Variants in SLC39A11 observed in about 807,000 individuals in gnomAD.
SLC39A11 encodes solute carrier family 39 member 11.
A neutral mutation model predicts 36.1 loss-of-function variants in SLC39A11; 33 were observed. That is an observed-to-expected ratio of 0.91 (90% CI 0.69 to 1.22). The LOEUF (loss-of-function observed/expected upper bound fraction) is 1.22, where lower values mean the gene tolerates loss of function less well. Among genes scored for constraint, SLC39A11 ranks in the 50% most tolerant of loss-of-function variants. The pLI, the probability that SLC39A11 is intolerant of heterozygous loss-of-function variation, is 0.00. For missense variants in SLC39A11, 432 were observed against 430.3 expected, an observed-to-expected ratio of 1.00 and a Z score of -0.03; for synonymous variants, 166 against 170.3, an observed-to-expected ratio of 0.97 and a Z score of 0.20.
intron 5 of SLC39A11, among the ~76,000 whole-genome samples, chr17:72,942,740 TG>T (rs1355667649): frequency 6.6e-6 from 1 of 152,080 alleles, no homozygotes; most frequent in Non-Finnish European, 1.5e-5. Flanking sequence ...AACTTGGGAG[TG>T]GAATGTACGT....
chr17:72,982,509 G>C (rs1481079191), intron 4 of SLC39A11, among the ~76,000 whole-genome samples: 1 of 152,096 alleles, frequency 6.6e-6, no homozygotes, highest in Non-Finnish European at 1.5e-5. Flanking sequence ...TAAATCAGAG[G>C]CCTCTTTCGT....
intron 7 of SLC39A11, among the ~76,000 whole-genome samples, chr17:72,692,492 T>C (rs559164806): frequency 6.6e-6 from 1 of 152,242 alleles, no homozygotes; most frequent in Non-Finnish European, 1.5e-5. Flanking sequence ...AAGGCACTTC[T>C]TACATGGTGG....
At chr17:72,981,923 G>C (rs759013686) in intron 4 of SLC39A11, among the ~76,000 whole-genome samples, 1 of 152,152 alleles carries the variant, frequency 6.6e-6, no homozygotes, top group Non-Finnish European at 1.5e-5. Flanking sequence ...TTTGAAACAC[G>C]TGGAAAGATG....
At chr17:72,711,233 T>C (rs11650398) in intron 7 of SLC39A11, among the ~76,000 whole-genome samples, 12 of 152,170 alleles carry the variant, frequency 7.9e-5, no homozygotes, top group African/African-American at 2.2e-4. Flanking sequence ...GCTGGACACA[T>C]GGTTGCATGG....
At chr17:72,907,443 T>C (rs2082716106) in intron 5 of SLC39A11, among the ~76,000 whole-genome samples, 1 of 152,100 alleles carries the variant, frequency 6.6e-6, no homozygotes, top group Non-Finnish European at 1.5e-5. Flanking sequence ...TGAGCCGATA[T>C]CACACCATGG....
intron 6 of SLC39A11, among the ~76,000 whole-genome samples, chr17:72,769,956 G>A (rs967740863): frequency 6.6e-6 from 1 of 152,118 alleles, no homozygotes; most frequent in Non-Finnish European, 1.5e-5. Flanking sequence ...CCCTGCCTTT[G>A]CTTCAAGTTG....
At chr17:72,652,833 G>A (rs1335185233) in intron 7 of SLC39A11, among the ~76,000 whole-genome samples, 3 of 152,184 alleles carry the variant, frequency 2.0e-5, no homozygotes, top group African/African-American at 7.2e-5. Flanking sequence ...GAGAACCACT[G>A]TGCAACCTGA....
At chr17:72,712,920 G>A (rs767937920) in intron 7 of SLC39A11, 1 of 152,322 alleles carries the variant, frequency 6.6e-6, no homozygotes, top group Non-Finnish European at 1.5e-5. Context: ...ATGGGGAGAG[G>A]TGAAGTCAGT....
In SLC39A11 at chr17:72,727,381, C is replaced by A. The variant is rs533958068; in HGVS notation, c.671+9269G>T. ...GAAAGAAGCAAGCTGGGGCCAGGCA[C>A]AGTGGCTCACGCCTGTAATCCCAGC... is the stretch of plus-strand genomic sequence containing the variant. On this transcript the variant is annotated intron_variant, in intron 7 of 9. Transcript: ENST00000255559. 1.8e-4 allele frequency among the ~76,000 whole-genome samples: 28 copies of A among 152,252 alleles called. 1 individual carries two copies. The South Asian group carries it at 4.6e-3, about 25-fold the overall frequency.
chr17:72,769,796 G>A (rs1231873984), intron 6 of SLC39A11, among the ~76,000 whole-genome samples: 1 of 152,220 alleles, frequency 6.6e-6, no homozygotes, highest in East Asian at 1.9e-4. Flanking sequence ...GCCTGCCTCG[G>A]CCTCCCAAAG....
intron 4 of SLC39A11, among the ~76,000 whole-genome samples, chr17:72,998,456 A>T (rs922910448): frequency 4.6e-5 from 7 of 152,008 alleles, no homozygotes; most frequent in Non-Finnish European, 5.9e-5. Context: ...GCCTATGCTC[A>T]CCTCCATTAT....
At chr17:73,056,838 G>C (rs536751681) in intron 3 of SLC39A11, among the ~76,000 whole-genome samples, 10 of 152,220 alleles carry the variant, frequency 6.6e-5, no homozygotes, top group African/African-American at 2.4e-4. Flanking sequence ...TAGAGAAAGA[G>C]AGAACTTTAC....
rs542712474 is a variant in SLC39A11, at chr17:73,068,839, C to T, written c.147+15969G>A. On this transcript the variant is annotated intron_variant, in intron 3 of 9. Coordinates refer to ENST00000255559, the MANE Select transcript of SLC39A11 (RefSeq NM_139177.4). The stretch of plus-strand genomic sequence containing the variant: ...AACTGCCAGCCTCCCCCTGTGCACA[C>T]GCATGGCCAGTCCATCTGCTACCAA... Among the ~76,000 whole-genome samples the T allele has an allele frequency of 1.4e-3, 207 of 152,152 alleles. 1 individual carries two copies. Among genetic ancestry groups the T allele is most frequent in the Non-Finnish European group, 1.6e-3 (109 of 68,038 alleles).
chr17:72,996,999 C>A (rs1205420318), intron 4 of SLC39A11, among the ~76,000 whole-genome samples: 2 of 152,166 alleles, frequency 1.3e-5, no homozygotes, highest in East Asian at 1.9e-4. Flanking sequence ...ACCCTCCCCA[C>A]GACCATCTGC....
intron 6 of SLC39A11, among the ~76,000 whole-genome samples, chr17:72,796,702 T>G (rs1316742567): frequency 1.3e-5 from 2 of 152,124 alleles, no homozygotes; most frequent in African/African-American, 2.4e-5. Flanking sequence ...TCCAGCAGCA[T>G]CACCACCTCA....
intron 3 of SLC39A11, among the ~76,000 whole-genome samples, chr17:73,059,984 T>A (rs1049632350): frequency 1.3e-5 from 2 of 151,560 alleles, no homozygotes; most frequent in Non-Finnish European, 2.9e-5. Context: ...CTGAGGCAGG[T>A]GGATCACCTG....
chr17:72,833,787 A>T (rs1422405036), intron 6 of SLC39A11, among the ~76,000 whole-genome samples: 1 of 152,154 alleles, frequency 6.6e-6, no homozygotes, highest in Non-Finnish European at 1.5e-5. Flanking sequence ...GACATCAGAC[A>T]TCATGATGCT....
rs75731978 is a variant in SLC39A11, at chr17:72,674,986, A to G, written c.672-25718T>C. Among the ~76,000 whole-genome samples, 1,203 of 150,426 alleles carry G rather than the reference A, an allele frequency of 8.0e-3. 16 individuals are homozygous for G. Among genetic ancestry groups the G allele is most frequent in the African/African-American group, 0.025 (1,032 of 41,032 alleles). ...ATTGGAAAAAAAAGTGTGTGTGCGTATGTGTGTGTGTGTGTGTGAGACACA... is the reference window on the plus strand; with the variant it reads ...ATTGGAAAAAAAAGTGTGTGTGCGTGTGTGTGTGTGTGTGTGTGAGACACA... On this transcript the variant is annotated intron_variant, in intron 7 of 9. Coordinates refer to ENST00000255559, the MANE Select transcript of SLC39A11 (RefSeq NM_139177.4).
At chr17:72,811,015 A>G (rs1027686358) in intron 6 of SLC39A11, among the ~76,000 whole-genome samples, 1 of 151,866 alleles carries the variant, frequency 6.6e-6, no homozygotes, top group Admixed American at 6.6e-5. Context: ...TTTAAGTTGT[A>G]TATTTAAGAT....
Sources: allele counts gnomAD v4.1 joint callset (sites outside exome capture counted in the v4.1 genomes callset), GRCh38; gene constraint gnomAD v4.1.1; transcripts MANE v1.5; gene names NCBI Gene and HGNC (gene_info 2026-07-23, HGNC 2026-07-21).